CACNA2D3: variants seen among roughly 807,000 people sequenced by gnomAD.
The protein encoded by CACNA2D3 is voltage-dependent calcium channel subunit alpha-2/delta-3.
A neutral mutation model predicts 160.6 loss-of-function variants in CACNA2D3; 60 were observed. That is an observed-to-expected ratio of 0.37 (90% CI 0.30 to 0.46). CACNA2D3 has a LOEUF of 0.46. Ranked by LOEUF, CACNA2D3 falls within the 20% of genes least tolerant of loss-of-function variation. CACNA2D3 has a pLI of 1.00. For missense variants in CACNA2D3, 1,205 were observed against 1,365.0 expected (o/e 0.88, Z 1.85); for synonymous variants, 558 against 492.9 (o/e 1.13, Z -1.75).
At chr3:54,628,981 C>G (rs1318591127) in intron 10 of CACNA2D3, among the ~76,000 whole-genome samples, 1 of 152,094 alleles carries the variant, frequency 6.6e-6, no homozygotes, top group Non-Finnish European at 1.5e-5. Flanking sequence ...AATGCCTATC[C>G]CCTGAGAGCG....
chr3:54,599,982 C>T (rs574734841), intron 9 of CACNA2D3, among the ~76,000 whole-genome samples: 20 of 152,288 alleles, frequency 1.3e-4, no homozygotes, highest in African/African-American at 1.9e-4. Context: ...AGGGACCTGG[C>T]GGCATAAGTC....
At chr3:54,292,816 C>T (rs1379594866) in intron 2 of CACNA2D3, among the ~76,000 whole-genome samples, 1 of 152,182 alleles carries the variant, frequency 6.6e-6, no homozygotes, top group African/African-American at 2.4e-5. Context: ...CCAGCAATTT[C>T]ATTCCTAGGT....
intron 3 of CACNA2D3, among the ~76,000 whole-genome samples, chr3:54,328,719 A>T (rs1306973720): frequency 1.3e-5 from 2 of 152,318 alleles, no homozygotes; most frequent in East Asian, 3.9e-4. Flanking sequence ...GAGATGGCCC[A>T]GGTGCTGATC....
At chr3:54,261,844 G>C (rs1702405859) in intron 2 of CACNA2D3, among the ~76,000 whole-genome samples, 1 of 152,168 alleles carries the variant, frequency 6.6e-6, no homozygotes, top group South Asian at 2.1e-4. Flanking sequence ...ATGCTAGAGT[G>C]TTTGAAATCA....
intron 3 of CACNA2D3, among the ~76,000 whole-genome samples, chr3:54,339,755 G>A (rs1020681510): frequency 2.4e-4 from 36 of 152,214 alleles, no homozygotes; most frequent in African/African-American, 8.2e-4. Flanking sequence ...TAAAATATTA[G>A]GCAACAGCAC....
At chr3:54,549,073 G>C (rs1264020877) in intron 5 of CACNA2D3, among the ~76,000 whole-genome samples, 1 of 152,156 alleles carries the variant, frequency 6.6e-6, no homozygotes, top group Non-Finnish European at 1.5e-5. Context: ...TTAGAAGCAG[G>C]CTCATGGTTG....
chr3:54,709,316 T>C (rs1359728670), intron 11 of CACNA2D3, among the ~76,000 whole-genome samples: 1 of 151,900 alleles, frequency 6.6e-6, no homozygotes, highest in African/African-American at 2.4e-5. Context: ...CACCCAGCCT[T>C]CATTTTTAAA....
chr3:54,226,872 T>A (rs994924161), intron 2 of CACNA2D3, among the ~76,000 whole-genome samples: 8 of 152,190 alleles, frequency 5.3e-5, no homozygotes, highest in African/African-American at 1.9e-4. Flanking sequence ...AGGTCTACAG[T>A]TCCTCCAAAT....
intron 4 of CACNA2D3, among the ~76,000 whole-genome samples, chr3:54,450,954 A>G (rs1315256781): frequency 6.6e-6 from 1 of 152,194 alleles, no homozygotes; most frequent in Non-Finnish European, 1.5e-5. Flanking sequence ...TGGAACTGGC[A>G]TAGGATAGAC....
At chr3:54,145,376 C>G (rs1236034307) in intron 2 of CACNA2D3, among the ~76,000 whole-genome samples, 1 of 152,152 alleles carries the variant, frequency 6.6e-6, no homozygotes, top group Non-Finnish European at 1.5e-5. Context: ...GTGTGGAATT[C>G]TGGAGCCTGG....
In CACNA2D3 at chr3:54,849,781, A is replaced by C. The variant is rs1223927298; in HGVS notation, c.1626+3314A>C. ...GGGTTGTGGCCAGCATGGGGAGGAC[A>C]CAGCAAGCTGACTTAAAATAACTCC... is the stretch of plus-strand genomic sequence containing the variant. On this transcript the variant is annotated intron_variant, in intron 17 of 37. Coordinates refer to ENST00000474759, the MANE Select transcript of CACNA2D3 (RefSeq NM_018398.3). Among the ~76,000 whole-genome samples, 3 of 152,206 alleles carry C rather than the reference A, an allele frequency of 2.0e-5. No individual in the cohort carries two copies. In the East Asian group the frequency reaches 5.8e-4, roughly 29 times the overall value.
intron 2 of CACNA2D3, among the ~76,000 whole-genome samples, chr3:54,147,770 A>G (rs1047208072): frequency 1.3e-5 from 2 of 152,176 alleles, no homozygotes; most frequent in African/African-American, 4.8e-5. Context: ...GGGCTTTTCC[A>G]AAGGCTTCAG....
In CACNA2D3 at chr3:54,385,939, A is replaced by G. The variant is rs149168911; in HGVS notation, c.322-776A>G. 4.7e-3 allele frequency: 2,423 copies of G among 511,076 alleles called. 37 individuals carry two copies. The highest frequency in any genetic ancestry group is 0.036 in the Middle Eastern group (94 of 2,576). 31.7% of individuals were successfully genotyped at this position (511,076 alleles called of 1,614,324 possible). ...TTTCACCAAATGAGAGTTTTCTGTA[A>G]TATCCTCTAGCCTATATTTTCAAGG... On this transcript the variant is annotated intron_variant, in intron 3 of 37. Transcript: ENST00000474759.
At chr3:54,640,193 A>T (rs894610118) in intron 10 of CACNA2D3, among the ~76,000 whole-genome samples, 41 of 152,354 alleles carry the variant, frequency 2.7e-4, no homozygotes, top group African/African-American at 9.4e-4. Context: ...GCTTGGGCTC[A>T]GAGGCCTGAC....
intron 13 of CACNA2D3, among the ~76,000 whole-genome samples, chr3:54,813,185 G>C (rs1703364008): frequency 6.6e-6 from 1 of 152,172 alleles, no homozygotes; most frequent in Non-Finnish European, 1.5e-5. Flanking sequence ...CAGTTATACA[G>C]AGAATCCTAC....
At chr3:54,966,073 C>T (rs2107061234) in intron 27 of CACNA2D3, among the ~76,000 whole-genome samples, 1 of 152,182 alleles carries the variant, frequency 6.6e-6, no homozygotes, top group East Asian at 1.9e-4. Context: ...GATAAACACC[C>T]AGCGGGGAGC....
intron 14 of CACNA2D3, among the ~76,000 whole-genome samples, chr3:54,818,278 G>A (rs1249410619): frequency 6.6e-6 from 1 of 152,138 alleles, no homozygotes; most frequent in East Asian, 1.9e-4. Flanking sequence ...CCACCTCCCG[G>A]GTTCAATCGA....
chr3:54,229,541 C>T (rs1317517707), intron 2 of CACNA2D3, among the ~76,000 whole-genome samples: 2 of 152,058 alleles, frequency 1.3e-5, no homozygotes, highest in Non-Finnish European at 2.9e-5. Flanking sequence ...TGCCATGTTG[C>T]CTAGGCTGGC....
chr3:54,821,818 A>T (rs946547926), intron 14 of CACNA2D3, among the ~76,000 whole-genome samples: 10 of 151,536 alleles, frequency 6.6e-5, no homozygotes, highest in African/African-American at 2.4e-4. Flanking sequence ...GGGTAATCAG[A>T]TTTCAGCAAT....
Sources: gnomAD v4.1 joint callset for allele counts (sites outside exome capture counted in the v4.1 genomes callset) on GRCh38, gnomAD v4.1.1 for gene constraint, MANE v1.5 for transcripts, NCBI Gene and HGNC (gene_info 2026-07-23, HGNC 2026-07-21) for gene names.